Variants in AKR1D1 observed in about 807,000 individuals in gnomAD.
AKR1D1 encodes delta(4)-3-ketosteroid 5-beta-reductase.
In AKR1D1, 32 loss-of-function variants were observed where a neutral mutation model predicts 42.6. The ratio of observed to expected loss-of-function variants is 0.75; its 90% confidence interval spans 0.57 to 1.01. AKR1D1 has a LOEUF of 1.01. AKR1D1 is among the 50% of genes least tolerant of loss of function. The pLI is 0.00. For synonymous variants in AKR1D1, 123 were observed against 135.5 expected (o/e 0.91, Z 0.64); for missense variants, 364 against 402.2 (o/e 0.91, Z 0.81).
intron 3 of AKR1D1, among the ~76,000 whole-genome samples, chr7:138,094,674 C>A (rs1054456336): frequency 6.6e-6 from 1 of 152,158 alleles, no homozygotes; most frequent in Non-Finnish European, 1.5e-5. Flanking sequence ...TGCCACCACA[C>A]TCACCTAATT....
chr7:138,085,580 G>T (rs1223614186), intron 1 of AKR1D1, among the ~76,000 whole-genome samples: 2 of 151,846 alleles, frequency 1.3e-5, no homozygotes, highest in East Asian at 1.9e-4. Flanking sequence ...AAGTAGCTGG[G>T]ATTACAGGTG....
rs7799647 is a variant in AKR1D1, at chr7:138,076,758, T to C, written c.93+147T>C. 7.5e-5 allele frequency: 53 copies of C among 708,688 alleles called. No homozygotes were observed. The South Asian group carries it at 7.9e-4, about 11-fold the overall frequency. 43.9% of individuals were successfully genotyped at this position (708,688 alleles called of 1,614,324 possible). On this transcript the variant is annotated intron_variant, in intron 1 of 8. Transcript: ENST00000242375. The stretch of plus-strand genomic sequence containing the variant: ...CCTCAATTTGTAATAATGAAAGGAC[T>C]ACTATTTACTGAATAGGTATTGAGC...
At chr7:138,087,232 G>A (rs1249747872) in intron 1 of AKR1D1, among the ~76,000 whole-genome samples, 3 of 152,176 alleles carry the variant, frequency 2.0e-5, no homozygotes, top group African/African-American at 4.8e-5. Context: ...TCACATGACA[G>A]AAGAGGGAGC....
intron 3 of AKR1D1, 117 bp downstream of exon 3, chr7:138,092,001 TGAG>T (rs1794093767): frequency 1.6e-6 from 1 of 620,970 alleles, no homozygotes; most frequent in African/African-American, 1.9e-5. Context: ...CTCTGCACCA[TGAG>T]CCAATAGCTA....
At chr7:138,096,480 C>T (rs563528367) in intron 3 of AKR1D1, among the ~76,000 whole-genome samples, 5 of 152,230 alleles carry the variant, frequency 3.3e-5, no homozygotes, top group South Asian at 2.1e-4. Flanking sequence ...CATTAATCCA[C>T]GACTGAACAA....
intron 7 of AKR1D1, among the ~76,000 whole-genome samples, chr7:138,110,419 C>T (rs1409422503): frequency 2.0e-5 from 3 of 151,844 alleles, no homozygotes; most frequent in East Asian, 3.9e-4. Flanking sequence ...GGCAACAAAG[C>T]GAGATCCCAT....
At chr7:138,111,588 A>G (rs1360235196) in intron 7 of AKR1D1, among the ~76,000 whole-genome samples, 1 of 152,244 alleles carries the variant, frequency 6.6e-6, no homozygotes, top group African/African-American at 2.4e-5. Context: ...TCAGGAGCTC[A>G]GTTTTGTAAT....
intron 8 of AKR1D1, among the ~76,000 whole-genome samples, chr7:138,115,005 A>C (rs1794608564): frequency 6.6e-6 from 1 of 152,160 alleles, no homozygotes; most frequent in Non-Finnish European, 1.5e-5. Flanking sequence ...ATTGTTTGAC[A>C]TCAAAAGGCA....
chr7:138,116,374 G>A (rs1053203505), intron 8 of AKR1D1, among the ~76,000 whole-genome samples: 2 of 152,060 alleles, frequency 1.3e-5, no homozygotes, highest in Admixed American at 6.6e-5. Flanking sequence ...ATTCTGTTCT[G>A]AGTAAAATGT....
At chr7:138,096,809 C>T (rs796223994) in intron 3 of AKR1D1, among the ~76,000 whole-genome samples, 3 of 152,228 alleles carry the variant, frequency 2.0e-5, no homozygotes, top group African/African-American at 7.2e-5. Flanking sequence ...CAGTCCTCTA[C>T]CCTCAATATT....
intron 1 of AKR1D1, among the ~76,000 whole-genome samples, chr7:138,078,764 G>C (rs1802992521): frequency 6.6e-6 from 1 of 152,154 alleles, no homozygotes; most frequent in Non-Finnish European, 1.5e-5. Context: ...AGTTAGGTGG[G>C]GGAATATTCC....
intron 7 of AKR1D1, among the ~76,000 whole-genome samples, chr7:138,112,296 A>G (rs1420135690): frequency 6.6e-6 from 1 of 152,134 alleles, no homozygotes; most frequent in Non-Finnish European, 1.5e-5. Flanking sequence ...CACATTTTTG[A>G]TTCCTTATGT....
intron 5 of AKR1D1, among the ~76,000 whole-genome samples, 180 bp downstream of exon 5, chr7:138,105,609 G>C (rs903813178): frequency 6.6e-6 from 1 of 152,168 alleles, no homozygotes; most frequent in African/African-American, 2.4e-5. Context: ...CGGACTTGGG[G>C]CCTGGTGCGG....
chr7:138,110,397 G>C (rs932552604), intron 7 of AKR1D1, among the ~76,000 whole-genome samples: 1 of 152,048 alleles, frequency 6.6e-6, no homozygotes, highest in Non-Finnish European at 1.5e-5. Context: ...CCAGGAGTTT[G>C]AGAGCAGCCT....
At chr7:138,093,887 G>C (rs1000267492) in intron 3 of AKR1D1, among the ~76,000 whole-genome samples, 53 of 152,290 alleles carry the variant, frequency 3.5e-4, no homozygotes, top group African/African-American at 1.3e-3. Flanking sequence ...CTAGGTGATA[G>C]GAATTTTAAA....
intron 4 of AKR1D1, among the ~76,000 whole-genome samples, chr7:138,100,699 CT>C (rs749956421): frequency 2.0e-3 from 176 of 88,380 alleles, no homozygotes; most frequent in South Asian, 5.2e-3. Flanking sequence ...GTCAGAGATT[CT>C]TTTTTTTTTT....
At chr7:138,082,076 A>AC (rs983972650) in intron 1 of AKR1D1, among the ~76,000 whole-genome samples, 1 of 152,144 alleles carries the variant, frequency 6.6e-6, no homozygotes, top group Non-Finnish European at 1.5e-5. Flanking sequence ...CTTCTGCGTC[A>AC]TTTTCAAAGG....
At chr7:138,078,209 G>A (rs1397993438) in intron 1 of AKR1D1, among the ~76,000 whole-genome samples, 18 of 152,220 alleles carry the variant, frequency 1.2e-4, no homozygotes, top group African/African-American at 3.6e-4. Context: ...CGATCCGCCC[G>A]CCTCAGCCTC....
At chr7:138,104,181 AG>A (rs768569162) in intron 4 of AKR1D1, among the ~76,000 whole-genome samples, 33 of 152,092 alleles carry the variant, frequency 2.2e-4, no homozygotes, top group Non-Finnish European at 3.8e-4. Context: ...CAGTATAGTA[AG>A]AGATTTTTGA....
Sources: allele counts gnomAD v4.1 joint callset (sites outside exome capture counted in the v4.1 genomes callset), GRCh38; gene constraint gnomAD v4.1.1; transcripts MANE v1.5; gene names NCBI Gene and HGNC (gene_info 2026-07-23, HGNC 2026-07-21).